Variants in KLF8 observed in about 807,000 individuals in gnomAD.
The protein encoded by KLF8 is Krueppel-like factor 8.
Under a neutral mutation model 18.2 loss-of-function variants are expected in KLF8, and 10 were observed. That is an observed-to-expected ratio of 0.55 (90% CI 0.34 to 0.93). The LOEUF (loss-of-function observed/expected upper bound fraction) is 0.93, where lower values mean the gene tolerates loss of function less well. Among genes scored for constraint, KLF8 ranks in the 40% least tolerant of loss-of-function variants. KLF8 has a pLI of 0.02. For synonymous variants in KLF8, 109 were observed against 97.3 expected (o/e 1.12, Z -0.71); for missense variants, 264 against 277.9 (o/e 0.95, Z 0.36).
At chrX:56,209,395 T>G in the KLF8 span, among the ~76,000 whole-genome samples, 5 of 111,499 alleles carry the variant, frequency 4.5e-5, no homozygotes. Context: ...ATGGGTCTCG[T>G]TTTTTCATTC....
chrX:56,190,221 A>C, the KLF8 span, among the ~76,000 whole-genome samples: 1 of 110,914 alleles, frequency 9.0e-6, no homozygotes, highest in Non-Finnish European at 1.9e-5. Context: ...GACCAAAACA[A>C]TAAGAAGATA....
chrX:55,913,762 G>A, the KLF8 span, among the ~76,000 whole-genome samples: 1 of 111,982 alleles, frequency 8.9e-6, no homozygotes, highest in South Asian at 3.7e-4. Context: ...GTTATTCCAG[G>A]CAGGAAGAAT....
chrX:55,924,919 C>T, the KLF8 span, among the ~76,000 whole-genome samples: 4 of 97,201 alleles, frequency 4.1e-5, no homozygotes, highest in African/African-American at 1.5e-4. Context: ...TCAGTGGCGC[C>T]ATCTCTGCTC....
At chrX:56,000,039 T>C in the KLF8 span, among the ~76,000 whole-genome samples, 1 of 111,866 alleles carries the variant, frequency 8.9e-6, no homozygotes, top group Non-Finnish European at 1.9e-5. Flanking sequence ...TTATTGAAGA[T>C]CCAAGTCATT....
At chrX:56,081,584 C>A in the KLF8 span, among the ~76,000 whole-genome samples, 2 of 111,956 alleles carry the variant, frequency 1.8e-5, no homozygotes, top group East Asian at 5.6e-4. Context: ...TTTTGTCTTT[C>A]ACTTTTGTGT....
the KLF8 span, among the ~76,000 whole-genome samples, chrX:56,151,644 G>T: frequency 9.0e-6 from 1 of 110,928 alleles, no homozygotes; most frequent in Non-Finnish European, 1.9e-5. Flanking sequence ...TGGTGGGGGT[G>T]TGGAGATCAT....
the KLF8 span, among the ~76,000 whole-genome samples, chrX:55,917,108 A>T: frequency 8.9e-6 from 1 of 112,350 alleles, no homozygotes; most frequent in Non-Finnish European, 1.9e-5. Flanking sequence ...CTCCTCTGGA[A>T]TCTGCTTTGC....
At chrX:56,089,615 A>C in the KLF8 span, among the ~76,000 whole-genome samples, 2 of 112,375 alleles carry the variant, frequency 1.8e-5, no homozygotes, top group African/African-American at 6.5e-5. Flanking sequence ...AGGGCAAACC[A>C]GTCTTCAAAG....
intron 2 of KLF8, among the ~76,000 whole-genome samples, chrX:56,254,458 C>T (rs2066761568): frequency 8.9e-6 from 1 of 111,894 alleles, no homozygotes; most frequent in Non-Finnish European, 1.9e-5. Flanking sequence ...TTACAGTACC[C>T]TTTTAGCTTT....
the KLF8 span, among the ~76,000 whole-genome samples, chrX:56,224,627 T>C: frequency 6.2e-5 from 7 of 112,215 alleles, no homozygotes; most frequent in South Asian, 2.6e-3. Flanking sequence ...ATGTAAATGA[T>C]AGTGTAACTA....
At chrX:56,183,463 C>T in the KLF8 span, among the ~76,000 whole-genome samples, 2 of 111,826 alleles carry the variant, frequency 1.8e-5, no homozygotes, top group East Asian at 2.8e-4. Flanking sequence ...ACTCCGTGGG[C>T]TGCACCCACT....
chrX:56,113,553 A>AGTT, the KLF8 span, among the ~76,000 whole-genome samples: 1 of 24,069 alleles, frequency 4.2e-5, no homozygotes, highest in Non-Finnish European at 7.5e-5. Context: ...TGGCAGGGAT[A>AGTT]GTTTTTTTTT....
At chrX:56,092,817 A>G in the KLF8 span, among the ~76,000 whole-genome samples, 1 of 109,957 alleles carries the variant, frequency 9.1e-6, no homozygotes, top group Admixed American at 9.8e-5. Context: ...AGACTGTCTG[A>G]GTAATGTAAG....
At chrX:56,150,927 A>C in the KLF8 span, among the ~76,000 whole-genome samples, 3 of 111,731 alleles carry the variant, frequency 2.7e-5, no homozygotes, top group African/African-American at 9.7e-5. Context: ...AAAATGCTAA[A>C]ATGGATGATT....
chrX:56,134,765 T>C, the KLF8 span, among the ~76,000 whole-genome samples: 1 of 109,360 alleles, frequency 9.1e-6, no homozygotes, highest in African/African-American at 3.3e-5. Flanking sequence ...CTGACAAGAC[T>C]AATATCCAGA....
At chrX:56,281,699 G>A (rs370378720) in intron 5 of KLF8, among the ~76,000 whole-genome samples, 121 of 112,044 alleles carry the variant, frequency 1.1e-3, no homozygotes, top group African/African-American at 3.6e-3. Flanking sequence ...ATGAGCCACC[G>A]CACCTGCCAT....
chrX:55,965,696 A>G, the KLF8 span, among the ~76,000 whole-genome samples: 1 of 112,470 alleles, frequency 8.9e-6, no homozygotes, highest in Admixed American at 9.4e-5. Flanking sequence ...GTTTCAGGAT[A>G]CAAAATCAAT....
chrX:56,175,893 T>G, the KLF8 span, among the ~76,000 whole-genome samples: 442 of 111,033 alleles, frequency 4.0e-3, 3 homozygotes, highest in African/African-American at 0.014. Flanking sequence ...GGTTTAAAGT[T>G]TGTTTTATCA....
At chrX:56,081,841 G>A in the KLF8 span, among the ~76,000 whole-genome samples, 1 of 111,782 alleles carries the variant, frequency 8.9e-6, no homozygotes, top group Admixed American at 9.5e-5. Flanking sequence ...CTTTTAATAT[G>A]CTGTTGAATT....
Sources: allele counts gnomAD v4.1 joint callset (sites outside exome capture counted in the v4.1 genomes callset), GRCh38; gene constraint gnomAD v4.1.1; transcripts MANE v1.5; gene names NCBI Gene and HGNC (gene_info 2026-07-23, HGNC 2026-07-21).